The following TMCC1 variants were observed in gnomAD, a reference collection of about 807,000 sequenced individuals.
The protein encoded by TMCC1 is transmembrane and coiled-coil domain family 1.
In TMCC1, 15 loss-of-function variants were observed where a neutral mutation model predicts 52.4. The ratio of observed to expected loss-of-function variants is 0.29; its 90% CI spans 0.19 to 0.44. The LOEUF is 0.44. TMCC1 is among the 20% of genes least tolerant of loss of function. The pLI, the probability that TMCC1 is intolerant of heterozygous loss-of-function variation, is 1.00. For synonymous variants in TMCC1, 279 were observed against 301.9 expected (o/e 0.92, Z 0.79); for missense variants, 503 against 806.0 (o/e 0.62, Z 4.55).
At chr3:129,736,812 G>A (rs894356885) in intron 4 of TMCC1, among the ~76,000 whole-genome samples, 8 of 151,766 alleles carry the variant, frequency 5.3e-5, no homozygotes, top group East Asian at 1.9e-4. Context: ...GAGCCACTGC[G>A]CCCGGCCGCA....
intron 4 of TMCC1, among the ~76,000 whole-genome samples, chr3:129,725,626 ACTTTT>A (rs1576593343): frequency 6.6e-6 from 1 of 152,018 alleles, no homozygotes; most frequent in African/African-American, 2.4e-5. Context: ...GTATTAATAA[ACTTTT>A]CTTTAGGTCA....
At chr3:129,773,470 C>T (rs549048081) in intron 4 of TMCC1, among the ~76,000 whole-genome samples, 1 of 152,240 alleles carries the variant, frequency 6.6e-6, no homozygotes, top group South Asian at 2.1e-4. Flanking sequence ...TCTGAACGTA[C>T]TTTGTTTTGT....
At chr3:129,729,451 T>G (rs952554758) in intron 4 of TMCC1, among the ~76,000 whole-genome samples, 1 of 152,164 alleles carries the variant, frequency 6.6e-6, no homozygotes, top group African/African-American at 2.4e-5. Context: ...TTATATAGGG[T>G]TTAAAAATAA....
At chr3:129,706,762 T>C (rs1380377543) in intron 4 of TMCC1, among the ~76,000 whole-genome samples, 1 of 152,212 alleles carries the variant, frequency 6.6e-6, no homozygotes, top group Non-Finnish European at 1.5e-5. Flanking sequence ...CTAAAGTCTA[T>C]ACAAGACAAA....
intron 4 of TMCC1, among the ~76,000 whole-genome samples, chr3:129,716,155 C>CA: frequency 1.8e-5 from 1 of 55,366 alleles, no homozygotes; most frequent in East Asian, 6.0e-4. Flanking sequence ...CACTTTTTTT[C>CA]TTTTTTCTTT....
intron 5 of TMCC1, among the ~76,000 whole-genome samples, chr3:129,660,802 A>G (rs973211066): frequency 6.6e-6 from 1 of 152,110 alleles, no homozygotes; most frequent in Non-Finnish European, 1.5e-5. Context: ...GAGTCTCACT[A>G]TGTTGTCCAT....
intron 4 of TMCC1, among the ~76,000 whole-genome samples, chr3:129,804,719 T>C (rs77251180): frequency 0.012 from 1,778 of 152,252 alleles, 16 homozygotes; most frequent in Non-Finnish European, 0.017. Flanking sequence ...GTCACATCAA[T>C]GAATTTACAG....
chr3:129,887,895 TTAAG>T (rs1274242285), intron 1 of TMCC1, among the ~76,000 whole-genome samples: 4 of 152,174 alleles, frequency 2.6e-5, no homozygotes, highest in Admixed American at 2.6e-4. Flanking sequence ...GTGCAAATTC[TTAAG>T]TAATTAGGAG....
chr3:129,880,425 A>G lies in TMCC1; in HGVS notation c.-300T>C, dbSNP rs975592107. 13 of 152,348 alleles carry G rather than the reference A, an allele frequency of 8.5e-5. No homozygotes were observed. In the South Asian group the frequency reaches 1.9e-3, roughly 22 times the overall value. The allele number at this position is 152,348 out of a possible 1,614,324, so 9.4% of individuals were successfully genotyped here. A position where few individuals can be genotyped will look rare whatever the true frequency, so the allele number is the denominator to read the frequency against. ...AAAAAGACATAGAAACAGAAGATCC[A>G]TATGAAAAAGAGATCCAATCTGGGA... On this transcript the variant is annotated 5_prime_UTR_variant, in exon 2 of 7. The change abolishes an upstream ATG in the 5' untranslated region. Coordinates refer to ENST00000393238, the MANE Select transcript of TMCC1 (RefSeq NM_001017395.5).
chr3:129,708,571 ACT>A (rs1316807372), intron 4 of TMCC1, among the ~76,000 whole-genome samples: 1 of 152,164 alleles, frequency 6.6e-6, no homozygotes, highest in Admixed American at 6.5e-5. Context: ...CTAGATTCCA[ACT>A]CTGTTGCTCA....
Position 129,670,635 on chromosome 3 carries a change from C to T in TMCC1, c.1206G>A (p.Gly402=), listed in dbSNP as rs558308330. The change falls in exon 5 of 7, where the codon GGG becomes GGA. Residue 402 remains glycine, a synonymous_variant. Transcript: ENST00000393238. ...AGTTTGAAATCACTCCCAAAGCCTT[C>T]CCCGCATCATCCACTTGCCCTTCCT... The part of the protein sequence containing the change: ...SLEEGQVDDA[G]KALGVISNFQ... 8.7e-5 allele frequency: 140 copies of T among 1,614,224 alleles called. 4 individuals are homozygous for T. The South Asian group carries it at 1.1e-3, about 13-fold the overall frequency.
At position 129,828,992 on chromosome 3, in the gene TMCC1, C is replaced by T. The variant is rs1197633628; in HGVS notation, c.-130-484G>A. 2.0e-5 allele frequency among the ~76,000 whole-genome samples: 3 copies of T among 152,134 alleles called. No homozygotes were observed. Among genetic ancestry groups the T allele is most frequent in the Non-Finnish European group, 2.9e-5 (2 of 68,032 alleles). Reference sequence around the variant, plus strand: ...AGAACAACAGTGAGAAATGGATATCCCAATCTAACTATATGTGGATTTTAA... The same window carrying T: ...AGAACAACAGTGAGAAATGGATATCTCAATCTAACTATATGTGGATTTTAA... On this transcript the variant is annotated intron_variant, in intron 3 of 6. Transcript: ENST00000393238. This position sits in a 1 kb window ranked among gnomAD's most constrained non-coding sequence, Gnocchi z 4.1.
intron 5 of TMCC1, 127 bp downstream of exon 5, chr3:129,670,203 T>C: frequency 1.0e-6 from 1 of 966,864 alleles, no homozygotes; most frequent in Non-Finnish European, 1.5e-6. Context: ...GTGGATGTCT[T>C]ATGACATACC....
intron 2 of TMCC1, among the ~76,000 whole-genome samples, chr3:129,834,314 A>G (rs1426271070): frequency 6.6e-6 from 1 of 152,200 alleles, no homozygotes; most frequent in Non-Finnish European, 1.5e-5. Context: ...AATAGGGGAA[A>G]TAAGATTAAA....
intron 5 of TMCC1, among the ~76,000 whole-genome samples, chr3:129,663,512 G>T (rs9873993): frequency 0.092 from 13,963 of 152,180 alleles, 2,091 homozygotes; most frequent in African/African-American, 0.32. Context: ...GCTGAATTGG[G>T]GAGAGTGGAT....
chr3:129,831,214 G>T (rs1225077866), intron 3 of TMCC1, among the ~76,000 whole-genome samples: 2 of 152,152 alleles, frequency 1.3e-5, no homozygotes, highest in African/African-American at 4.8e-5. Context: ...GATTACAGGT[G>T]TGAGCCACTG....
intron 4 of TMCC1, among the ~76,000 whole-genome samples, chr3:129,768,643 G>A (rs1235579451): frequency 6.6e-6 from 1 of 152,098 alleles, no homozygotes; most frequent in Non-Finnish European, 1.5e-5. Flanking sequence ...ACATAGTCCC[G>A]AATGAAATAC....
chr3:129,739,355 A>G (rs2051256527), intron 4 of TMCC1, among the ~76,000 whole-genome samples: 1 of 151,982 alleles, frequency 6.6e-6, no homozygotes, highest in Admixed American at 6.6e-5. Flanking sequence ...TTCAGTAGAG[A>G]CGGAATTCTA....
At chr3:129,874,364 T>C (rs1292056132) in intron 2 of TMCC1, among the ~76,000 whole-genome samples, 1 of 152,200 alleles carries the variant, frequency 6.6e-6, no homozygotes, top group Non-Finnish European at 1.5e-5. Flanking sequence ...CTCAATTTAC[T>C]ATGGAATCAA....
Sources: allele counts gnomAD v4.1 joint callset (sites outside exome capture counted in the v4.1 genomes callset), GRCh38; gene constraint gnomAD v4.1.1; non-coding constraint Gnocchi (gnomAD v3.1); transcripts MANE v1.5; gene names NCBI Gene and HGNC (gene_info 2026-07-23, HGNC 2026-07-21).